Variants in STIM2 observed in about 807,000 individuals in gnomAD.
The protein encoded by STIM2 is stromal interaction molecule 2.
STIM2 carries 31 observed loss-of-function variants against 85.8 expected under a neutral mutation model. The ratio of observed to expected loss-of-function variants is 0.36; its 90% confidence interval spans 0.27 to 0.49. The LOEUF is 0.49. STIM2 is among the 20% of genes least tolerant of loss of function. The pLI is 0.98. For missense variants in STIM2, 841 were observed against 927.6 expected, an observed-to-expected ratio of 0.91 and a Z score of 1.21; for synonymous variants, 356 against 331.1, an observed-to-expected ratio of 1.08 and a Z score of -0.82.
chr4:26,861,192 C>T lies in STIM2; in HGVS notation c.-27C>T. 1 of 1,447,342 alleles carries T rather than the reference C, an allele frequency of 6.9e-7. No individual in the cohort carries two copies. The highest frequency in any genetic ancestry group is 1.5e-5 in the African/African-American group (1 of 68,646). 89.7% of individuals were successfully genotyped at this position (1,447,342 alleles called of 1,614,324 possible). On this transcript the variant is annotated 5_prime_UTR_variant, in exon 1 of 12. Coordinates refer to ENST00000467087, the MANE Select transcript of STIM2 (RefSeq NM_020860.4). The stretch of plus-strand genomic sequence containing the variant: ...GACTCCTGGCCCAGCGTGGGGCTGG[C>T]TGCTGCGGCGGCGGCGCTGGGCTGC...
At chr4:26,868,608 C>T (rs994348181) in intron 1 of STIM2, among the ~76,000 whole-genome samples, 1 of 151,978 alleles carries the variant, frequency 6.6e-6, no homozygotes, top group Non-Finnish European at 1.5e-5. Context: ...CTTTTTAAAC[C>T]CTTGTTTGAA....
intron 1 of STIM2, among the ~76,000 whole-genome samples, chr4:26,869,509 T>C (rs1029464903): frequency 2.0e-5 from 3 of 152,006 alleles, no homozygotes; most frequent in African/African-American, 7.2e-5. Flanking sequence ...ATGCTGAAAT[T>C]GACTATTTAA....
At chr4:26,902,744 T>C (rs1171069822) in intron 1 of STIM2, among the ~76,000 whole-genome samples, 1 of 152,162 alleles carries the variant, frequency 6.6e-6, no homozygotes, top group Admixed American at 6.5e-5. Flanking sequence ...TTTCTATCCA[T>C]TTGATGCCAC....
chr4:26,992,376 GTAGTTA>G (rs975398882), intron 3 of STIM2, among the ~76,000 whole-genome samples: 46 of 152,000 alleles, frequency 3.0e-4, no homozygotes, highest in Non-Finnish European at 6.2e-4. Flanking sequence ...ATACAGATAA[GTAGTTA>G]TAGTTATTTA....
At chr4:26,915,873 G>A (rs1245924362) in intron 1 of STIM2, among the ~76,000 whole-genome samples, 2 of 152,186 alleles carry the variant, frequency 1.3e-5, no homozygotes, top group Non-Finnish European at 2.9e-5. Context: ...AGAGCCTGAC[G>A]TATTATAGGC....
At position 27,017,791 on chromosome 4, in the gene STIM2, C is replaced by T. The variant is rs753432538; in HGVS notation, c.1570C>T (p.Pro524Ser). 1.3e-5 allele frequency: 21 copies of T among 1,614,030 alleles called. No individual in the cohort carries two copies. Among genetic ancestry groups the T allele is most frequent in the Non-Finnish European group, 1.7e-5 (20 of 1,180,036 alleles). ...ACGCCGCAGCATTGTGCCGTCCTCG[C>T]CTCAGCCTCAGCGAGCTCAGCTTGC... is the stretch of plus-strand genomic sequence containing the variant. The change falls in exon 11 of 12, where the codon CCT becomes TCT. Residue 524 changes from proline (P) to serine (S), a missense_variant. By Grantham distance (74) the Pro-to-Ser change is moderately conservative. This residue lies in a region of STIM2 where 293 missense variants were observed against 284.5 expected (regional missense o/e 1.03). Coordinates refer to ENST00000467087, the MANE Select transcript of STIM2 (RefSeq NM_020860.4).
At chr4:26,871,374 T>G (rs550135539) in intron 1 of STIM2, among the ~76,000 whole-genome samples, 10 of 152,298 alleles carry the variant, frequency 6.6e-5, no homozygotes, top group Admixed American at 6.5e-4. Context: ...ATACAAACAT[T>G]GTGATTAATG....
At chr4:26,887,183 C>CTTTTT (rs34736602) in intron 1 of STIM2, among the ~76,000 whole-genome samples, 9 of 70,946 alleles carry the variant, frequency 1.3e-4, no homozygotes, top group South Asian at 6.0e-4. Context: ...AATAATTAAA[C>CTTTTT]TTTTTTTTTT....
intron 2 of STIM2, among the ~76,000 whole-genome samples, chr4:26,937,543 ATGAAT>A (rs751489365): frequency 5.9e-5 from 9 of 152,156 alleles, no homozygotes; most frequent in South Asian, 2.1e-4. Context: ...CATTTCACAA[ATGAAT>A]TGAATTGTGC....
At chr4:26,945,233 A>G (rs760390953) in intron 2 of STIM2, among the ~76,000 whole-genome samples, 2 of 152,158 alleles carry the variant, frequency 1.3e-5, no homozygotes, top group Admixed American at 6.5e-5. Context: ...TGCTAAGGAT[A>G]GTGGCCTCCA....
intron 1 of STIM2, among the ~76,000 whole-genome samples, chr4:26,908,070 G>C (rs1208203179): frequency 1.3e-5 from 2 of 152,102 alleles, no homozygotes; most frequent in Non-Finnish European, 2.9e-5. Flanking sequence ...AACTTTCTAA[G>C]ATAATTGTTC....
intron 3 of STIM2, among the ~76,000 whole-genome samples, chr4:26,980,492 C>T (rs1420828381): frequency 6.7e-6 from 1 of 150,030 alleles, no homozygotes; most frequent in Non-Finnish European, 1.5e-5. Context: ...AAGTTAAAAC[C>T]AGTTCGTGCC....
intron 2 of STIM2, among the ~76,000 whole-genome samples, chr4:26,948,525 G>A (rs1255042796): frequency 6.6e-6 from 1 of 152,196 alleles, no homozygotes; most frequent in African/African-American, 2.4e-5. Context: ...TATTTCGGGA[G>A]GCAAGTTGGA....
Position 26,892,058 on chromosome 4 carries a change from C to T in STIM2, c.152-27446C>T, listed in dbSNP as rs182209952. On this transcript the variant is annotated intron_variant, in intron 1 of 11. Transcript: ENST00000467087. ...GTTTCTCTGCACAAGCTCTGTCTGCCGCTATCTGTGTAAGATGTGACTTGC... is the reference window on the plus strand; with the variant it reads ...GTTTCTCTGCACAAGCTCTGTCTGCTGCTATCTGTGTAAGATGTGACTTGC... 5.0e-3 allele frequency among the ~76,000 whole-genome samples: 762 copies of T among 152,260 alleles called. 8 individuals are homozygous for T. The highest frequency in any genetic ancestry group is 0.018 in the African/African-American group (730 of 41,542).
chr4:26,995,542 A>G (rs1187027714), intron 4 of STIM2, 52 bp downstream of exon 4: 1 of 1,191,836 alleles, frequency 8.4e-7, no homozygotes, highest in South Asian at 1.5e-5. Context: ...ATTATATGCT[A>G]GATGTCATTT....
chr4:26,894,847 C>T (rs1205630011), intron 1 of STIM2, among the ~76,000 whole-genome samples: 3 of 152,190 alleles, frequency 2.0e-5, no homozygotes. Context: ...TGGAACTGCA[C>T]TGGTTCTATT....
chr4:27,003,859 A>G (rs1021149296), intron 7 of STIM2, among the ~76,000 whole-genome samples: 1 of 152,174 alleles, frequency 6.6e-6, no homozygotes, highest in Middle Eastern at 3.4e-3. Flanking sequence ...TTCTCAGCTC[A>G]TGCCCCTTCG....
chr4:26,988,066 G>A (rs1727643776), intron 3 of STIM2, among the ~76,000 whole-genome samples: 1 of 152,194 alleles, frequency 6.6e-6, no homozygotes, highest in African/African-American at 2.4e-5. Context: ...TTCAAAGATA[G>A]TTGTTGGGGG....
At chr4:27,016,821 G>A (rs1212481026) in intron 10 of STIM2, among the ~76,000 whole-genome samples, 1 of 152,180 alleles carries the variant, frequency 6.6e-6, no homozygotes, top group Non-Finnish European at 1.5e-5. Flanking sequence ...GAGAGAGAAT[G>A]TCCAGGAAGT....
Sources: allele counts gnomAD v4.1 joint callset (sites outside exome capture counted in the v4.1 genomes callset), GRCh38; gene constraint gnomAD v4.1.1; regional missense constraint gnomAD v4.1.1; transcripts MANE v1.5; gene names NCBI Gene and HGNC (gene_info 2026-07-23, HGNC 2026-07-21).